The following DCDC1 variants were observed in gnomAD, a reference collection of about 807,000 sequenced individuals.
The protein encoded by DCDC1 is doublecortin domain-containing protein 1.
Under a neutral mutation model 178.3 loss-of-function variants are expected in DCDC1, and 200 were observed. The ratio of observed to expected loss-of-function variants is 1.12; its 90% CI spans 1.00 to 1.26. The LOEUF is 1.26. DCDC1 is among the 50% of genes most tolerant of loss of function. The probability of loss-of-function intolerance (pLI) is 0.00; values close to 1 mark genes in which losing one functional copy is unlikely to be tolerated. For missense variants in DCDC1, 1,983 were observed against 1,749.2 expected (o/e 1.13, Z -2.38); for synonymous variants, 690 against 604.8 (o/e 1.14, Z -2.07).
At chr11:30,907,821 A>C (rs1196546715) in intron 29 of DCDC1, among the ~76,000 whole-genome samples, 1 of 152,188 alleles carries the variant, frequency 6.6e-6, no homozygotes, top group Non-Finnish European at 1.5e-5. Flanking sequence ...GCCAAGCAAA[A>C]AATGGGTTTT....
At chr11:31,093,504 A>G (rs1011374003) in intron 16 of DCDC1, among the ~76,000 whole-genome samples, 14 of 152,222 alleles carry the variant, frequency 9.2e-5, no homozygotes, top group Admixed American at 9.2e-4. Context: ...GGAAAGGACA[A>G]TTTTATGTTC....
intron 1 of DCDC1, among the ~76,000 whole-genome samples, chr11:31,340,685 T>C (rs1325953462): frequency 1.3e-5 from 2 of 152,174 alleles, no homozygotes; most frequent in African/African-American, 4.8e-5. Flanking sequence ...GAAAAAAGAC[T>C]GACTTCCCCT....
At chr11:31,349,892 A>G (rs1238388818) in intron 1 of DCDC1, among the ~76,000 whole-genome samples, 2 of 152,166 alleles carry the variant, frequency 1.3e-5, no homozygotes, top group African/African-American at 4.8e-5. Flanking sequence ...TATGTTACTA[A>G]ATATTTACTA....
intron 9 of DCDC1, among the ~76,000 whole-genome samples, chr11:31,233,321 C>T (rs1471677665): frequency 1.3e-5 from 2 of 152,110 alleles, no homozygotes; most frequent in Non-Finnish European, 2.9e-5. Context: ...AGCATATTTC[C>T]TAATAGCTTC....
rs144328405 is a variant in DCDC1, at chr11:31,252,638, A to G, written c.1055-11022T>C. ...ATACTGAAATAACTAGACAGAACAG[A>G]GAAGAGTGAGCAGGATGATGAGAAG... is the stretch of plus-strand genomic sequence containing the variant. On this transcript the variant is annotated intron_variant, in intron 8 of 38. Transcript: ENST00000684477. Among the ~76,000 whole-genome samples the G allele has an allele frequency of 1.2e-4, 19 of 152,204 alleles. No homozygotes were observed. The East Asian group carries it at 2.7e-3, about 22-fold the overall frequency.
intron 22 of DCDC1, among the ~76,000 whole-genome samples, chr11:30,928,913 C>A: frequency 6.6e-6 from 1 of 151,668 alleles, no homozygotes; most frequent in South Asian, 2.1e-4. Flanking sequence ...TTATTATTAA[C>A]CCCAAATTTA....
chr11:31,166,768 C>T (rs71487987), intron 9 of DCDC1, among the ~76,000 whole-genome samples: 17 of 152,170 alleles, frequency 1.1e-4, no homozygotes, highest in South Asian at 2.1e-4. Context: ...ATTTCCCAAC[C>T]ATTTTTGCAA....
intron 21 of DCDC1, among the ~76,000 whole-genome samples, chr11:30,932,798 C>T (rs1407025753): frequency 6.6e-6 from 1 of 152,060 alleles, no homozygotes; most frequent in East Asian, 1.9e-4. Context: ...GTAGGTTTAT[C>T]AGACTTGAGG....
At chr11:31,145,165 T>G (rs1371077013) in intron 9 of DCDC1, among the ~76,000 whole-genome samples, 2 of 152,142 alleles carry the variant, frequency 1.3e-5, no homozygotes, top group Non-Finnish European at 2.9e-5. Flanking sequence ...GCTCAATGTA[T>G]TGTGGAAATT....
chr11:30,970,898 G>A (rs1949738411), intron 20 of DCDC1, among the ~76,000 whole-genome samples: 1 of 152,168 alleles, frequency 6.6e-6, no homozygotes, highest in African/African-American at 2.4e-5. Flanking sequence ...GCCTAAGCAT[G>A]CCATCTGGGG....
At chr11:30,903,728 C>T in intron 31 of DCDC1, 45 bp from the exon 32 acceptor site, 1 of 1,418,152 alleles carries the variant, frequency 7.1e-7, no homozygotes, top group South Asian at 1.7e-5. Flanking sequence ...AAGGTGATAG[C>T]ATTGGGAATG....
At chr11:31,197,372 A>C (rs1970813330) in intron 9 of DCDC1, among the ~76,000 whole-genome samples, 1 of 152,182 alleles carries the variant, frequency 6.6e-6, no homozygotes, top group Non-Finnish European at 1.5e-5. Context: ...AATGCTAAAA[A>C]ATACCTGTTA....
rs1040039089 is a variant in DCDC1 at position 31,298,059 on chromosome 11, T to C, written c.755-7207A>G. ...ACTTTGGCAAAATAAGCTTCCTAAA[T>C]TGACTGAGACCTGTCTCAGATATTC... is the stretch of plus-strand genomic sequence containing the variant. On this transcript the variant is annotated intron_variant, in intron 6 of 38. Coordinates refer to ENST00000684477, the MANE Select transcript of DCDC1 (RefSeq NM_001387274.1). 3.3e-5 allele frequency among the ~76,000 whole-genome samples: 5 copies of C among 152,292 alleles called. No individual in the cohort carries two copies. The East Asian group carries it at 9.7e-4, about 29-fold the overall frequency.
At chr11:30,874,350 T>C (rs1306748898) in intron 38 of DCDC1, among the ~76,000 whole-genome samples, 1 of 152,192 alleles carries the variant, frequency 6.6e-6, no homozygotes, top group Non-Finnish European at 1.5e-5. Context: ...CAGGTGTTTC[T>C]TGTGCACACT....
chr11:30,975,134 T>C (rs1950033679), intron 20 of DCDC1, among the ~76,000 whole-genome samples: 2 of 152,084 alleles, frequency 1.3e-5, no homozygotes, highest in African/African-American at 4.8e-5. Context: ...TAAGATTATC[T>C]CAATAGACAC....
intron 20 of DCDC1, among the ~76,000 whole-genome samples, chr11:30,968,681 T>TTATATATATCAAATTA (rs1949586431): frequency 3.0e-5 from 3 of 101,316 alleles, no homozygotes; most frequent in East Asian, 2.5e-4. Context: ...ATATATCAAA[T>TTATATATATCAAATTA]TATATATATC....
At chr11:30,986,651 T>C (rs1461883796) in intron 20 of DCDC1, among the ~76,000 whole-genome samples, 2 of 152,084 alleles carry the variant, frequency 1.3e-5, no homozygotes, top group East Asian at 3.9e-4. Context: ...ACTTTTTATA[T>C]TAAAGCCAAA....
chr11:31,079,489 T>C (rs1957055251), intron 17 of DCDC1, among the ~76,000 whole-genome samples: 1 of 152,190 alleles, frequency 6.6e-6, no homozygotes, highest in Non-Finnish European at 1.5e-5. Flanking sequence ...GAGGGGGTCA[T>C]GAGAATCCCG....
intron 6 of DCDC1, among the ~76,000 whole-genome samples, chr11:31,295,834 C>T (rs1032672636): frequency 3.3e-5 from 5 of 152,256 alleles, no homozygotes; most frequent in Non-Finnish European, 7.4e-5. Context: ...GGAGACCTCT[C>T]GGTTATTCAT....
Sources: gnomAD v4.1 joint callset for allele counts (sites outside exome capture counted in the v4.1 genomes callset) on GRCh38, gnomAD v4.1.1 for gene constraint, MANE v1.5 for transcripts, NCBI Gene and HGNC (gene_info 2026-07-23, HGNC 2026-07-21) for gene names.